LIN52: variants seen among roughly 807,000 people sequenced by gnomAD.
LIN52 encodes the protein lin-52 DREAM MuvB core complex component.
LIN52 carries 4 observed loss-of-function variants against 18.5 expected under a neutral mutation model. The observed-to-expected ratio is 0.22, with a 90% confidence interval of 0.11 to 0.49. The LOEUF (loss-of-function observed/expected upper bound fraction) is 0.49, where lower values mean the gene tolerates loss of function less well. Ranked by LOEUF, LIN52 falls within the 20% of genes least tolerant of loss-of-function variation. The pLI is 0.97. For missense variants in LIN52, 102 were observed against 139.5 expected (o/e 0.73, Z 1.35); for synonymous variants, 34 against 45.5 (o/e 0.75, Z 1.02).
chr14:74,159,010 C>T (rs930664888), intron 5 of LIN52, among the ~76,000 whole-genome samples: 11 of 152,282 alleles, frequency 7.2e-5, no homozygotes, highest in African/African-American at 2.6e-4. Flanking sequence ...TGCTGGGCCT[C>T]AGAGCTCTTT....
intron 5 of LIN52, among the ~76,000 whole-genome samples, chr14:74,155,288 T>C (rs1204277037): frequency 1.3e-5 from 2 of 152,250 alleles, no homozygotes; most frequent in Non-Finnish European, 2.9e-5. Context: ...TTCTTTGGGC[T>C]AATCAGGGCA....
rs376144949 is a variant in LIN52 at position 74,119,262 on chromosome 14, T to C, written c.283+18024T>C. Among the ~76,000 whole-genome samples the C allele has an allele frequency of 4.8e-4, 72 of 150,770 alleles. No individual in the cohort carries two copies. The East Asian group carries it at 0.012, about 25-fold the overall frequency. ...CTGCAAGCTCCGCCTCCTGGGTTCATGCCATTCTCCTGCCTCAGCCTCCCG... is the reference window on the plus strand; with the variant it reads ...CTGCAAGCTCCGCCTCCTGGGTTCACGCCATTCTCCTGCCTCAGCCTCCCG... On this transcript the variant is annotated intron_variant, in intron 5 of 5. Transcript: ENST00000555028.
chr14:74,151,407 C>G (rs1595176115), intron 5 of LIN52, among the ~76,000 whole-genome samples: 1 of 151,872 alleles, frequency 6.6e-6, no homozygotes. Flanking sequence ...TTTTTCCTGT[C>G]ATATATTTAG....
chr14:74,096,118 T>G, intron 3 of LIN52, 133 bp downstream of exon 3: 2 of 560,230 alleles, frequency 3.6e-6, no homozygotes, highest in Non-Finnish European at 6.0e-6. Flanking sequence ...TGGAGTGCAG[T>G]GGTACGATCT....
rs1555382571 is a variant in LIN52, at chr14:74,130,278, G to GTTTGTTTTTTTTTTT, written c.283+29043_283+29044insGTTTTTTTTTTTTTT. Among the ~76,000 whole-genome samples, 281 of 64,812 alleles carry GTTTGTTTTTTTTTTT rather than the reference G, an allele frequency of 4.3e-3. 17 individuals carry two copies. Among genetic ancestry groups the GTTTGTTTTTTTTTTT allele is most frequent in the African/African-American group, 0.017 (271 of 15,870 alleles). The allele number at this position is 64,812 out of a possible 152,430, so 42.5% of individuals were successfully genotyped here. ...GAATTTATTAGATAGGCATTTTTTG[G>GTTTGTTTTTTTTTTT]TTTTTTTTTTTTTTTTTTGAGACAG... On this transcript the variant is annotated intron_variant, in intron 5 of 5. Transcript: ENST00000555028.
intron 5 of LIN52, among the ~76,000 whole-genome samples, chr14:74,104,725 G>A (rs2060886218): frequency 6.7e-6 from 1 of 149,832 alleles, no homozygotes; most frequent in African/African-American, 2.5e-5. Context: ...AATAAAAAGG[G>A]ATAGGTGAAC....
At chr14:74,110,961 G>C (rs1345416209) in intron 5 of LIN52, among the ~76,000 whole-genome samples, 2 of 147,398 alleles carry the variant, frequency 1.4e-5, no homozygotes, top group East Asian at 4.0e-4. Flanking sequence ...GCGAGACTCC[G>C]TCTCAAAAAA....
At chr14:74,099,892 C>G (rs1211923259) in intron 4 of LIN52, among the ~76,000 whole-genome samples, 1 of 152,122 alleles carries the variant, frequency 6.6e-6, no homozygotes, top group Non-Finnish European at 1.5e-5. Context: ...ACAGAAACAC[C>G]CAACAGTGAA....
At chr14:74,127,260 A>G (rs1339785148) in intron 5 of LIN52, among the ~76,000 whole-genome samples, 1 of 152,198 alleles carries the variant, frequency 6.6e-6, no homozygotes, top group African/African-American at 2.4e-5. Flanking sequence ...TCTAAGTACA[A>G]TGTGGGACAA....
In LIN52 at chr14:74,086,552, G is replaced by C. The variant is rs554888084; in HGVS notation, c.19+1559G>C. Among the ~76,000 whole-genome samples the C allele has an allele frequency of 6.6e-5, 10 of 152,180 alleles. No homozygotes were observed. In the South Asian group the frequency reaches 2.1e-3, roughly 32 times the overall value. ...ACCTGTAGTCCCAGCTACTTGGGGG[G>C]GCTGAGGCAAGAGAATCTCTTGAGC... On this transcript the variant is annotated intron_variant, in intron 1 of 5. Transcript: ENST00000555028.
intron 5 of LIN52, among the ~76,000 whole-genome samples, chr14:74,147,440 GAAC>G (rs1182588265): frequency 6.6e-6 from 1 of 152,104 alleles, no homozygotes; most frequent in Non-Finnish European, 1.5e-5. Context: ...GATACCAAAA[GAAC>G]AAGCTCCATT....
intron 5 of LIN52, among the ~76,000 whole-genome samples, chr14:74,160,439 C>T (rs8015012): frequency 0.14 from 21,866 of 152,068 alleles, 2,111 homozygotes; most frequent in East Asian, 0.58. Context: ...AGGTTGCTGC[C>T]GTTCTTAGCC....
chr14:74,140,888 G>A (rs2061126719), intron 5 of LIN52, among the ~76,000 whole-genome samples: 1 of 152,134 alleles, frequency 6.6e-6, no homozygotes, highest in African/African-American at 2.4e-5. Context: ...GTCCTAGCAA[G>A]TGCCTTATTT....
intron 2 of LIN52, among the ~76,000 whole-genome samples, chr14:74,091,779 A>G (rs1273100193): frequency 6.7e-6 from 1 of 150,084 alleles, no homozygotes; most frequent in African/African-American, 2.5e-5. Context: ...GTCTCAAAAA[A>G]AAAAAAAAAA....
At chr14:74,182,124 C>G (rs1175751703) in intron 5 of LIN52, among the ~76,000 whole-genome samples, 1 of 151,506 alleles carries the variant, frequency 6.6e-6, no homozygotes, top group East Asian at 1.9e-4. Flanking sequence ...AGTCCTCCCA[C>G]CCCAGCCTTC....
At chr14:74,191,492 C>T (rs1419689862) in intron 5 of LIN52, among the ~76,000 whole-genome samples, 1 of 151,842 alleles carries the variant, frequency 6.6e-6, no homozygotes, top group Non-Finnish European at 1.5e-5. Context: ...ATTTCAGGGA[C>T]CAAAAAAGTA....
chr14:74,153,541 G>A (rs1449566923), intron 5 of LIN52, among the ~76,000 whole-genome samples: 1 of 150,466 alleles, frequency 6.6e-6, no homozygotes, highest in African/African-American at 2.5e-5. Flanking sequence ...GTTTTTAATG[G>A]AAAATGATTT....
At chr14:74,164,735 G>A (rs969725785) in intron 5 of LIN52, among the ~76,000 whole-genome samples, 2 of 152,136 alleles carry the variant, frequency 1.3e-5, no homozygotes, top group African/African-American at 4.8e-5. Context: ...ACTGACACTG[G>A]AAGTTCTACA....
intron 5 of LIN52, among the ~76,000 whole-genome samples, chr14:74,170,652 T>G (rs1324275362): frequency 6.6e-6 from 1 of 152,106 alleles, no homozygotes; most frequent in African/African-American, 2.4e-5. Flanking sequence ...TTTTATTTTT[T>G]TAGTTTGATG....
Sources: allele counts gnomAD v4.1 joint callset (sites outside exome capture counted in the v4.1 genomes callset), GRCh38; gene constraint gnomAD v4.1.1; transcripts MANE v1.5; gene names NCBI Gene and HGNC (gene_info 2026-07-23, HGNC 2026-07-21).